ZNF148: variants seen among roughly 807,000 people sequenced by gnomAD.
ZNF148 encodes the protein zinc finger protein 148.
A neutral mutation model predicts 67.7 loss-of-function variants in ZNF148; 7 were observed. The observed-to-expected ratio is 0.10, with a 90% CI of 0.06 to 0.19. The LOEUF (loss-of-function observed/expected upper bound fraction) is 0.19. ZNF148 is among the 10% of genes least tolerant of loss of function. The pLI is 1.00. For missense variants in ZNF148, 583 were observed against 947.1 expected (o/e 0.62, Z 5.05); for synonymous variants, 333 against 330.7 (o/e 1.01, Z -0.08).
intron 4 of ZNF148, among the ~76,000 whole-genome samples, chr3:125,293,453 CATTATCCA>C (rs1479249554): frequency 1.3e-5 from 2 of 152,122 alleles, no homozygotes; most frequent in Non-Finnish European, 2.9e-5. Context: ...TTCTAAATGC[CATTATCCA>C]AACAAAAAAG....
intron 3 of ZNF148, among the ~76,000 whole-genome samples, chr3:125,320,583 T>C (rs1383256830): frequency 2.0e-5 from 3 of 152,232 alleles, no homozygotes; most frequent in Non-Finnish European, 2.9e-5. Flanking sequence ...AAGCAGGTTA[T>C]AATAGGCAAG....
chr3:125,263,121 T>A (rs1937415144), intron 7 of ZNF148, among the ~76,000 whole-genome samples: 1 of 152,258 alleles, frequency 6.6e-6, no homozygotes, highest in Non-Finnish European at 1.5e-5. Flanking sequence ...ACCATTCCAT[T>A]CATCCATTTA....
chr3:125,361,462 C>T (rs1020399174), intron 1 of ZNF148, among the ~76,000 whole-genome samples: 1 of 152,220 alleles, frequency 6.6e-6, no homozygotes, highest in East Asian at 1.9e-4. Context: ...ACTTTCTACA[C>T]CCTGACCTTC....
At position 125,318,930 on chromosome 3, in the gene ZNF148, G is replaced by A. The variant is rs1355457186; in HGVS notation, c.-17+4379C>T. On this transcript the variant is annotated intron_variant, in intron 3 of 8. Transcript: ENST00000360647. Reference sequence around the variant, plus strand: ...TCACCATCCCTCTGCGAGAGAAACTGTCTACAGGGGTATCTAGGGGGCCAC... The same window carrying A: ...TCACCATCCCTCTGCGAGAGAAACTATCTACAGGGGTATCTAGGGGGCCAC... Among the ~76,000 whole-genome samples the A allele has an allele frequency of 2.0e-5, 3 of 152,026 alleles. No homozygotes were observed. In the East Asian group the frequency reaches 5.8e-4, roughly 29 times the overall value.
chr3:125,242,228 C>T (rs1936396644), intron 7 of ZNF148, among the ~76,000 whole-genome samples: 1 of 152,176 alleles, frequency 6.6e-6, no homozygotes, highest in South Asian at 2.1e-4. Context: ...TTTATGGATA[C>T]TGGATTTTGA....
At chr3:125,309,130 A>G (rs1489620205) in intron 4 of ZNF148, among the ~76,000 whole-genome samples, 1 of 152,312 alleles carries the variant, frequency 6.6e-6, no homozygotes, top group South Asian at 2.1e-4. Context: ...GGATTACTAA[A>G]ACATTTGGTA....
intron 7 of ZNF148, among the ~76,000 whole-genome samples, chr3:125,245,528 T>C (rs1034827904): frequency 5.9e-5 from 9 of 152,234 alleles, no homozygotes; most frequent in Non-Finnish European, 1.3e-4. Flanking sequence ...AATGGACTAA[T>C]ACAATCTTCA....
chr3:125,275,913 A>G (rs551532587), intron 7 of ZNF148, among the ~76,000 whole-genome samples: 9 of 152,336 alleles, frequency 5.9e-5, no homozygotes, highest in African/African-American at 1.4e-4. Context: ...CACCTGCCCT[A>G]AGAACGGACA....
chr3:125,351,623 C>A (rs931722717), intron 1 of ZNF148, among the ~76,000 whole-genome samples: 2 of 152,102 alleles, frequency 1.3e-5, no homozygotes, highest in African/African-American at 2.4e-5. Context: ...AAACAACCCA[C>A]AGAATTGGAG....
chr3:125,351,366 G>A (rs1267271633), intron 1 of ZNF148, among the ~76,000 whole-genome samples: 6 of 113,540 alleles, frequency 5.3e-5, no homozygotes, highest in African/African-American at 2.1e-4. Context: ...GCCACAGAGT[G>A]AGACCTTGTT....
At chr3:125,272,599 T>C (rs1937809628) in intron 7 of ZNF148, among the ~76,000 whole-genome samples, 1 of 147,212 alleles carries the variant, frequency 6.8e-6, no homozygotes, top group Admixed American at 6.8e-5. Context: ...TATGGTTTAA[T>C]ATTTTTATAT....
intron 1 of ZNF148, among the ~76,000 whole-genome samples, chr3:125,332,128 G>A (rs1247697370): frequency 6.6e-6 from 1 of 152,156 alleles, no homozygotes; most frequent in African/African-American, 2.4e-5. Flanking sequence ...ATTCAAGGCT[G>A]TATTTACATA....
intron 1 of ZNF148, among the ~76,000 whole-genome samples, chr3:125,364,126 T>C (rs1212786832): frequency 6.6e-6 from 1 of 152,160 alleles, no homozygotes; most frequent in Non-Finnish European, 1.5e-5. Context: ...CAGCCAGGTA[T>C]GGTGGCTCAT....
At chr3:125,262,482 C>G (rs924028668) in intron 7 of ZNF148, among the ~76,000 whole-genome samples, 9 of 152,178 alleles carry the variant, frequency 5.9e-5, no homozygotes, top group Non-Finnish European at 8.8e-5. Flanking sequence ...GTACATAAAA[C>G]AGCATTTTGT....
At chr3:125,356,070 A>G (rs1359313085) in intron 1 of ZNF148, among the ~76,000 whole-genome samples, 1 of 152,218 alleles carries the variant, frequency 6.6e-6, no homozygotes, top group Non-Finnish European at 1.5e-5. Flanking sequence ...AAAAACCATA[A>G]GCATCTGCCT....
At chr3:125,280,987 A>G (rs767904629) in intron 5 of ZNF148, among the ~76,000 whole-genome samples, 80 of 152,184 alleles carry the variant, frequency 5.3e-4, no homozygotes, top group Middle Eastern at 3.2e-3. Flanking sequence ...CCCTTCTCAA[A>G]CCTAGAAAAG....
intron 7 of ZNF148, among the ~76,000 whole-genome samples, chr3:125,270,809 G>C (rs1937692384): frequency 6.6e-6 from 1 of 152,156 alleles, no homozygotes; most frequent in Non-Finnish European, 1.5e-5. Context: ...CCAGGAGGTG[G>C]AGGCTGCAGT....
intron 1 of ZNF148, among the ~76,000 whole-genome samples, chr3:125,336,420 C>G (rs1941495173): frequency 6.6e-6 from 1 of 152,038 alleles, no homozygotes; most frequent in Non-Finnish European, 1.5e-5. Flanking sequence ...AAACTTGTTC[C>G]AGGCAAGAGA....
intron 1 of ZNF148, among the ~76,000 whole-genome samples, chr3:125,372,485 G>A (rs986141795): frequency 2.6e-5 from 4 of 152,192 alleles, no homozygotes; most frequent in African/African-American, 2.4e-5. Flanking sequence ...TTCTGACTCC[G>A]ATAATGTCAT....
Sources: allele counts gnomAD v4.1 joint callset (sites outside exome capture counted in the v4.1 genomes callset), GRCh38; gene constraint gnomAD v4.1.1; transcripts MANE v1.5; gene names NCBI Gene and HGNC (gene_info 2026-07-23, HGNC 2026-07-21).